Variants in SPRR2G observed in about 807,000 individuals in gnomAD.
SPRR2G encodes the protein small proline rich protein 2G.
SPRR2G carries 1 observed loss-of-function variant against 0.7 expected under a neutral mutation model. That is an observed-to-expected ratio of 1.49 (90% CI 0.53 to 7.06). SPRR2G has a LOEUF of 7.06. Among genes scored for constraint, SPRR2G ranks in the 30% most tolerant of loss-of-function variants. The probability of loss-of-function intolerance (pLI) is 0.14; values close to 1 mark genes in which losing one functional copy is unlikely to be tolerated. For missense variants in SPRR2G, 96 were observed against 88.5 expected (o/e 1.09, Z -0.34); for synonymous variants, 38 against 33.9 (o/e 1.12, Z -0.42).
chr1:153,192,976 C>T, the SPRR2G span, among the ~76,000 whole-genome samples: 1 of 152,072 alleles, frequency 6.6e-6, no homozygotes, highest in African/African-American at 2.4e-5. Context: ...CAAGGTGCGT[C>T]CTTTGTGAGG....
the SPRR2G span, among the ~76,000 whole-genome samples, chr1:153,182,551 C>T: frequency 6.6e-6 from 1 of 152,088 alleles, no homozygotes; most frequent in African/African-American, 2.4e-5. Flanking sequence ...TATTCCACCA[C>T]CCCTGACAGG....
upstream of SPRR2G, among the ~76,000 whole-genome samples, chr1:153,154,087 T>A (rs145736520): frequency 1.7e-3 from 266 of 152,236 alleles, 2 homozygotes; most frequent in African/African-American, 6.0e-3. Flanking sequence ...ATACAATTTG[T>A]ATCCTTTATT....
chr1:153,185,925 A>C, the SPRR2G span, among the ~76,000 whole-genome samples: 1 of 152,076 alleles, frequency 6.6e-6, no homozygotes, highest in African/African-American at 2.4e-5. Flanking sequence ...CTTTGTCCTC[A>C]TTGGTTTCAG....
the SPRR2G span, among the ~76,000 whole-genome samples, chr1:153,185,576 T>C: frequency 6.6e-6 from 1 of 152,070 alleles, no homozygotes. Context: ...CCTTTATCAT[T>C]TTTTATTGTG....
chr1:153,150,477 G>T (rs1656443174), intron 1 of SPRR2G, among the ~76,000 whole-genome samples: 1 of 152,146 alleles, frequency 6.6e-6, no homozygotes, highest in South Asian at 2.1e-4. Flanking sequence ...TGAGGCCCTA[G>T]TTACCAGTTT....
chr1:153,154,585 T>G (rs776183969), upstream of SPRR2G, among the ~76,000 whole-genome samples: 1 of 152,142 alleles, frequency 6.6e-6, no homozygotes. Flanking sequence ...TCTCAGTAGG[T>G]TGCATGTTTC....
At chr1:153,155,404 T>C (rs499893), upstream of SPRR2G, among the ~76,000 whole-genome samples, 78,966 of 151,892 alleles carry the variant, frequency 0.52, 20,775 homozygotes, top group Non-Finnish European at 0.57. Context: ...AACTCCTCAT[T>C]CTGACAGTTC....
At chr1:153,154,029 A>G (rs1258617098), upstream of SPRR2G, among the ~76,000 whole-genome samples, 1 of 152,122 alleles carries the variant, frequency 6.6e-6, no homozygotes, top group African/African-American at 2.4e-5. Flanking sequence ...AATCATGAAA[A>G]GATGTTGTAT....
chr1:153,185,055 T>C, the SPRR2G span, among the ~76,000 whole-genome samples: 1 of 152,286 alleles, frequency 6.6e-6, no homozygotes, highest in African/African-American at 2.4e-5. Context: ...GGGATGAAGC[T>C]GACCTGATTG....
chr1:153,172,092 C>A, the SPRR2G span, among the ~76,000 whole-genome samples: 1 of 152,180 alleles, frequency 6.6e-6, no homozygotes, highest in African/African-American at 2.4e-5. Flanking sequence ...CTCCTGAATA[C>A]ATGAGACAAG....
chr1:153,164,289 T>G, the SPRR2G span, among the ~76,000 whole-genome samples: 3 of 152,144 alleles, frequency 2.0e-5, no homozygotes, highest in Admixed American at 6.5e-5. Flanking sequence ...CAGCAATGAA[T>G]GGCAGGACCA....
the SPRR2G span, among the ~76,000 whole-genome samples, chr1:153,201,700 T>G: frequency 6.6e-6 from 1 of 152,232 alleles, no homozygotes; most frequent in Non-Finnish European, 1.5e-5. Flanking sequence ...TTAGGTTCAT[T>G]TGAGGTTTAA....
At chr1:153,161,875 G>A in the SPRR2G span, among the ~76,000 whole-genome samples, 1 of 152,114 alleles carries the variant, frequency 6.6e-6, no homozygotes. Context: ...TCAAATAATG[G>A]TAATTGACCT....
chr1:153,195,095 C>T, the SPRR2G span, among the ~76,000 whole-genome samples: 9 of 152,182 alleles, frequency 5.9e-5, no homozygotes, highest in Non-Finnish European at 5.9e-5. Flanking sequence ...GGTCCCCAAG[C>T]CCTGCTCTGT....
At chr1:153,160,356 G>A in the SPRR2G span, among the ~76,000 whole-genome samples, 6 of 152,148 alleles carry the variant, frequency 3.9e-5, no homozygotes, top group Non-Finnish European at 7.3e-5. Flanking sequence ...TGTGAATAAT[G>A]CTGCAATGAA....
chr1:153,168,166 C>A, the SPRR2G span, among the ~76,000 whole-genome samples: 3 of 152,272 alleles, frequency 2.0e-5, no homozygotes, highest in East Asian at 5.8e-4. Context: ...TAGACTCTTC[C>A]ACCAACTGTT....
the SPRR2G span, among the ~76,000 whole-genome samples, chr1:153,170,675 C>T: frequency 6.6e-6 from 1 of 152,148 alleles, no homozygotes; most frequent in Non-Finnish European, 1.5e-5. Flanking sequence ...AAAGAAAATA[C>T]TTTTGATTTT....
chr1:153,160,494 C>A, the SPRR2G span, among the ~76,000 whole-genome samples: 1 of 152,214 alleles, frequency 6.6e-6, no homozygotes, highest in South Asian at 2.1e-4. Context: ...AGTAGCTGCA[C>A]CATTCTTCAT....
chr1:153,202,623 T>C, the SPRR2G span, among the ~76,000 whole-genome samples: 2 of 152,196 alleles, frequency 1.3e-5, no homozygotes, highest in South Asian at 4.1e-4. Context: ...ATGACTGCCT[T>C]CCTTCAGATG....
Sources: gnomAD v4.1 joint callset for allele counts (sites outside exome capture counted in the v4.1 genomes callset) on GRCh38, gnomAD v4.1.1 for gene constraint, MANE v1.5 for transcripts, NCBI Gene and HGNC (gene_info 2026-07-23, HGNC 2026-07-21) for gene names.